Variants in IL17B observed in about 807,000 individuals in gnomAD.
IL17B encodes interleukin-17B.
IL17B carries 14 observed loss-of-function variants against 14.7 expected under a neutral mutation model. The ratio of observed to expected loss-of-function variants is 0.95; its 90% CI spans 0.63 to 1.49. IL17B has a LOEUF of 1.49. Among genes scored for constraint, IL17B ranks in the 40% most tolerant of loss-of-function variants. IL17B has a pLI of 0.00. For synonymous variants in IL17B, 105 were observed against 94.8 expected (o/e 1.11, Z -0.62); for missense variants, 233 against 252.8 (o/e 0.92, Z 0.53).
At chr5:149,397,238 C>G (rs1340674873) in intron 1 of IL17B, among the ~76,000 whole-genome samples, 1 of 152,106 alleles carries the variant, frequency 6.6e-6, no homozygotes, top group African/African-American at 2.4e-5. Context: ...GGTGCGATCT[C>G]TGCTCACTGC....
intron 1 of IL17B, among the ~76,000 whole-genome samples, chr5:149,399,575 C>A (rs1480981413): frequency 6.6e-6 from 1 of 151,914 alleles, no homozygotes; most frequent in Non-Finnish European, 1.5e-5. Context: ...AAGTTAGTTC[C>A]CAGCATGTGG....
intron 1 of IL17B, among the ~76,000 whole-genome samples, chr5:149,403,002 CAAAAAAAAAAAAA>C (rs36121550): frequency 1.7e-5 from 1 of 60,580 alleles, no homozygotes; most frequent in Admixed American, 2.2e-4. Context: ...GACTCCATCT[CAAAAAAAAAAAAA>C]AAAAAAAAAA....
chr5:149,396,449 G>A (rs1759092924), intron 1 of IL17B, among the ~76,000 whole-genome samples: 1 of 152,174 alleles, frequency 6.6e-6, no homozygotes, highest in Admixed American at 6.5e-5. Context: ...TATCTTCTTT[G>A]ACAGTCAAAC....
At chr5:149,396,194 C>T (rs1405071420) in intron 1 of IL17B, among the ~76,000 whole-genome samples, 1 of 149,398 alleles carries the variant, frequency 6.7e-6, no homozygotes, top group African/African-American at 2.6e-5. Flanking sequence ...CAGTTGAAAT[C>T]CATTTTCTTT....
upstream of IL17B, among the ~76,000 whole-genome samples, chr5:149,379,530 C>G (rs1446794463): frequency 6.6e-6 from 1 of 152,234 alleles, no homozygotes; most frequent in East Asian, 1.9e-4. Flanking sequence ...GCACCTCCGC[C>G]TGTGGCCTGC....
intron 1 of IL17B, among the ~76,000 whole-genome samples, chr5:149,386,143 G>A (rs1183684285): frequency 2.0e-5 from 3 of 152,180 alleles, no homozygotes; most frequent in South Asian, 4.1e-4. Flanking sequence ...TTGTTTTGGT[G>A]TATTGTGTGA....
intron 1 of IL17B, among the ~76,000 whole-genome samples, chr5:149,388,491 C>G (rs353280): frequency 0.11 from 16,788 of 152,146 alleles, 1,245 homozygotes; most frequent in Non-Finnish European, 0.16. Context: ...TATATGCTCC[C>G]CAGCCTTTTA....
chr5:149,397,232 C>T (rs542650360), intron 1 of IL17B, among the ~76,000 whole-genome samples: 3 of 152,010 alleles, frequency 2.0e-5, no homozygotes, highest in Non-Finnish European at 4.4e-5. Flanking sequence ...TGAAGTGGTG[C>T]GATCTCTGCT....
intron 1 of IL17B, among the ~76,000 whole-genome samples, chr5:149,392,961 T>C (rs536310207): frequency 6.7e-6 from 1 of 149,990 alleles, no homozygotes; most frequent in South Asian, 2.1e-4. Context: ...CGTGTGTGCG[T>C]GTGTGTGCGC....
chr5:149,374,540 CA>C lies in IL17B; in HGVS notation c.371del (p.Leu124ArgfsTer4). On this transcript the variant is annotated frameshift_variant, in exon 3 of 3. Coordinates refer to ENST00000261796, the MANE Select transcript of IL17B (RefSeq NM_014443.3). LOFTEE classifies it high-confidence loss of function. This position sits in a 1 kb window ranked among gnomAD's most constrained non-coding sequence, Gnocchi z 5.0. ...GCATGGTGAAGGGGTTCACACAGCC[CA>C]GACACAGGCACCGTGCCTCCGGCAG... is the stretch of plus-strand genomic sequence containing the variant. The part of the protein sequence containing the change: ...VDLPEARCLC[L>X]GCVNPFTMQE... The C allele has an allele frequency of 6.2e-7, 1 of 1,613,284 alleles. No individual in the cohort carries two copies. The highest frequency in any genetic ancestry group is 8.5e-7 in the Non-Finnish European group (1 of 1,179,928).
At chr5:149,390,558 A>G (rs1403705867) in intron 1 of IL17B, among the ~76,000 whole-genome samples, 1 of 132,902 alleles carries the variant, frequency 7.5e-6, no homozygotes, top group African/African-American at 2.9e-5. Context: ...AAGTTTTCCA[A>G]ATCTCACAGC....
chr5:149,387,717 A>T (rs1426809481), intron 1 of IL17B, among the ~76,000 whole-genome samples: 1 of 147,784 alleles, frequency 6.8e-6, no homozygotes, highest in African/African-American at 2.5e-5. Flanking sequence ...TCAAGGCTGC[A>T]GTGAGCCGAG....
chr5:149,403,941 G>A (rs1759263808), intron 1 of IL17B, among the ~76,000 whole-genome samples: 1 of 152,124 alleles, frequency 6.6e-6, no homozygotes, highest in Non-Finnish European at 1.5e-5. Context: ...AAGTAGAGCC[G>A]GCTCTCCCAG....
intron 1 of IL17B, among the ~76,000 whole-genome samples, chr5:149,403,452 A>G (rs960321200): frequency 6.6e-6 from 1 of 152,214 alleles, no homozygotes; most frequent in Admixed American, 6.5e-5. Flanking sequence ...AAATAATTAT[A>G]GGCATTTCAT....
chr5:149,378,099 A>G (rs940930352), intron 1 of IL17B, among the ~76,000 whole-genome samples: 10 of 151,740 alleles, frequency 6.6e-5, no homozygotes, highest in African/African-American at 1.7e-4. Context: ...AGCCGAGATC[A>G]CACCACTGCA....
At chr5:149,399,342 G>T (rs1384697720) in intron 1 of IL17B, among the ~76,000 whole-genome samples, 1 of 152,216 alleles carries the variant, frequency 6.6e-6, no homozygotes, top group Non-Finnish European at 1.5e-5. Context: ...TCCTGGTTCA[G>T]TTCCCTTCTA....
At chr5:149,397,655 G>A (rs1017841798) in intron 1 of IL17B, among the ~76,000 whole-genome samples, 4 of 152,182 alleles carry the variant, frequency 2.6e-5, no homozygotes, top group South Asian at 4.1e-4. Flanking sequence ...GATAGAACCC[G>A]TTGGATGCGC....
intron 1 of IL17B, among the ~76,000 whole-genome samples, chr5:149,390,587 GCACACACACACACACACA>G (rs56268721): frequency 1.4e-4 from 16 of 114,878 alleles, no homozygotes; most frequent in African/African-American, 4.2e-4. Flanking sequence ...CCCTGAGTTA[GCACACACACACACACACA>G]CACACACACA....
chr5:149,376,551 A>G (rs1356352090), intron 2 of IL17B, among the ~76,000 whole-genome samples, 185 bp downstream of exon 2: 5 of 152,232 alleles, frequency 3.3e-5, no homozygotes, highest in African/African-American at 9.6e-5. Context: ...ATTTACATTG[A>G]GGAAACTGAG....
Sources: gnomAD v4.1 joint callset for allele counts (sites outside exome capture counted in the v4.1 genomes callset) on GRCh38, gnomAD v4.1.1 for gene constraint, Gnocchi (gnomAD v3.1) non-coding constraint, MANE v1.5 for transcripts, NCBI Gene and HGNC (gene_info 2026-07-23, HGNC 2026-07-21) for gene names.